The following FANCM variants were observed in gnomAD, a reference collection of about 807,000 sequenced individuals.
FANCM encodes the protein FA complementation group M.
FANCM carries 140 observed loss-of-function variants against 199.5 expected under a neutral mutation model. That is an observed-to-expected ratio of 0.70 (90% CI 0.61 to 0.81). The LOEUF (loss-of-function observed/expected upper bound fraction) is 0.81, where lower values mean the gene tolerates loss of function less well. Ranked by LOEUF, FANCM falls within the 30% of genes least tolerant of loss-of-function variation. FANCM has a pLI of 0.00. For missense variants in FANCM, 2,410 were observed against 2,421.4 expected (o/e 1.00, Z 0.10); for synonymous variants, 840 against 836.8 (o/e 1.00, Z -0.07).
rs778532621 is a variant in FANCM at position 45,189,110 on chromosome 14, G to A, written c.5088G>A (p.Lys1696=). The change falls in exon 20 of 23, where the codon AAG becomes AAA. Residue 1696 remains lysine (K), a synonymous_variant. Coordinates refer to ENST00000267430, the MANE Select transcript of FANCM (RefSeq NM_020937.4). ...TTGCGGTTAACCCAAGCACTGTTAA[G>A]AAGAACAAACAACAGGACCATTGTT... ...SNIAVNPSTV[K]KNKQQDHCLN... 1 of 1,614,162 alleles carries A rather than the reference G, an allele frequency of 6.2e-7. No homozygotes were observed. The highest frequency in any genetic ancestry group is 1.1e-5 in the South Asian group (1 of 91,084).
intron 3 of FANCM, among the ~76,000 whole-genome samples, chr14:45,143,652 T>A (rs1291287133): frequency 6.6e-6 from 1 of 151,984 alleles, no homozygotes; most frequent in Non-Finnish European, 1.5e-5. Flanking sequence ...AATATTCTGA[T>A]TTTAGTAGCT....
intron 14 of FANCM, 64 bp downstream of exon 14, chr14:45,177,040 GT>G: frequency 9.2e-7 from 1 of 1,090,876 alleles, no homozygotes; most frequent in Non-Finnish European, 1.4e-6. Flanking sequence ...AAATACTTTG[GT>G]AATTTTTCCA....
intron 3 of FANCM, among the ~76,000 whole-genome samples, chr14:45,144,305 C>T (rs958303535): frequency 7.1e-6 from 1 of 140,448 alleles, no homozygotes; most frequent in East Asian, 2.2e-4. Context: ...AATGTAGTGT[C>T]CCCTCCACCC....
At chr14:45,150,549 A>T (rs746235685) in intron 4 of FANCM, among the ~76,000 whole-genome samples, 1 of 152,142 alleles carries the variant, frequency 6.6e-6, no homozygotes, top group East Asian at 1.9e-4. Flanking sequence ...TGTGCCATTA[A>T]GCTCATTTCC....
intron 8 of FANCM, among the ~76,000 whole-genome samples, chr14:45,158,191 C>T (rs941337417): frequency 2.6e-5 from 4 of 152,134 alleles, no homozygotes; most frequent in African/African-American, 9.7e-5. Flanking sequence ...AAACATGACC[C>T]TGTCTCAAAA....
rs139535827 is a variant in FANCM at position 45,159,250 on chromosome 14, G to C, written c.1551G>C (p.Thr517=). 8 of 1,613,480 alleles carry C rather than the reference G, an allele frequency of 5.0e-6. No homozygotes were observed. Among genetic ancestry groups the C allele is most frequent in the Admixed American group, 1.7e-5 (1 of 59,992 alleles). The change falls in exon 9 of 23, where the codon ACG becomes ACC. Residue 517 remains threonine (T), a synonymous_variant. Coordinates refer to ENST00000267430, the MANE Select transcript of FANCM (RefSeq NM_020937.4). ...TCGGCCATGCCTCAGGGAAAAGCAC[G>C]AAGGGTTTTACCCAGAAGGAGCAAC... ...TFVGHASGKS[T]KGFTQKEQLE... is the part of the protein sequence containing the mutation.
chr14:45,136,520 C>A lies in FANCM; in HGVS notation c.489C>A (p.Ser163=), dbSNP rs2139104144. ...ACYQVMGIPQ[S]HMAEMTGSTQ... ...ACCAGGTGATGGGTATCCCGCAATC[C>A]CACATGGCCGAAATGACAGGTATCT... Residue 163 remains serine (S), a synonymous_variant, in exon 1 of 23, where the codon TCC becomes TCA. Transcript: ENST00000267430. 1 of 1,613,922 alleles carries A rather than the reference C, an allele frequency of 6.2e-7. No homozygotes were observed. The highest frequency in any genetic ancestry group is 8.5e-7 in the Non-Finnish European group (1 of 1,179,988).
At chr14:45,187,574 C>G (rs1889485695) in intron 18 of FANCM, among the ~76,000 whole-genome samples, 1 of 152,096 alleles carries the variant, frequency 6.6e-6, no homozygotes, top group African/African-American at 2.4e-5. Flanking sequence ...GATCACTCAA[C>G]TAGAAAATCT....
chr14:45,143,230 A>G (rs1566724833), intron 3 of FANCM, among the ~76,000 whole-genome samples: 1 of 149,976 alleles, frequency 6.7e-6, no homozygotes, highest in Non-Finnish European at 1.5e-5. Context: ...AGGGCAGTGC[A>G]CAATAATACT....
chr14:45,175,261 G>A lies in FANCM; in HGVS notation c.2507G>A (p.Cys836Tyr), dbSNP rs1404595530. ...SSSVIESDEE[C>Y]AEIVKQTHIK... ...TCAGTGATAGAATCTGATGAAGAAT[G>A]TGCTGAAATTGTTAAACAAACTCAT... The change falls in exon 14 of 23, where the codon TGT (cysteine) becomes TAT (tyrosine). Residue 836 changes from cysteine (C) to tyrosine (Y), a missense_variant. Transcript: ENST00000267430. The A allele has an allele frequency of 6.2e-7, 1 of 1,604,098 alleles. No homozygotes were observed. The highest frequency in any genetic ancestry group is 1.3e-5 in the African/African-American group (1 of 74,482).
At position 45,176,343 on chromosome 14, in the gene FANCM, G is replaced by A. The variant is rs1298638851; in HGVS notation, c.3589G>A (p.Asp1197Asn). The A allele has an allele frequency of 6.2e-7, 1 of 1,613,696 alleles. No homozygotes were observed. The highest frequency in any genetic ancestry group is 1.1e-5 in the South Asian group (1 of 91,078). ...NSELQDQITR[D>N]ANSFKSRDQR... is the part of the protein sequence containing the mutation. ...TGAACTCCAAGATCAAATCACCCGT[G>A]ATGCTAATAGTTTTAAATCTCGTGA... The change falls in exon 14 of 23, where the codon GAT (aspartate) becomes AAT (asparagine). Residue 1197 changes from aspartate (D) to asparagine (N), a missense_variant. Physicochemically the swap from Asp to Asn is conservative, Grantham distance 23. Transcript: ENST00000267430.
At position 45,159,297 on chromosome 14, in the gene FANCM, T is replaced by C. The variant is rs1276397814; in HGVS notation, c.1581+17T>C. ...CAACTGGAGGTAATTATTTTTGGAA[T>C]TGATAAAAATAAAAATAAGATTGAT... On this transcript the variant is annotated intron_variant, in intron 9 of 22. Transcript: ENST00000267430. The C allele has an allele frequency of 1.1e-5, 17 of 1,587,224 alleles. No homozygotes were observed. Among genetic ancestry groups the C allele is most frequent in the Non-Finnish European group, 1.3e-5 (15 of 1,157,040 alleles).
chr14:45,184,766 T>G lies in FANCM; in HGVS notation c.4516-451T>G, dbSNP rs552862373. Among the ~76,000 whole-genome samples, 4 of 151,644 alleles carry G rather than the reference T, an allele frequency of 2.6e-5. No homozygotes were observed. In the East Asian group the frequency reaches 7.7e-4, roughly 29 times the overall value. On this transcript the variant is annotated intron_variant, in intron 17 of 22. Coordinates refer to ENST00000267430, the MANE Select transcript of FANCM (RefSeq NM_020937.4). ...AGATAGGTAACTTTATCATTTCTTC[T>G]TGGGATTTTCTTTTTTTTTTTTTTA...
chr14:45,173,493 C>A (rs980556525), intron 13 of FANCM, among the ~76,000 whole-genome samples: 1 of 152,086 alleles, frequency 6.6e-6, no homozygotes, highest in Non-Finnish European at 1.5e-5. Flanking sequence ...CTTTTGGATT[C>A]GGATTTATTG....
intron 5 of FANCM, 116 bp from the exon 6 acceptor site, chr14:45,153,804 A>G (rs1886985969): frequency 4.8e-6 from 4 of 832,346 alleles, no homozygotes; most frequent in South Asian, 1.3e-5. Context: ...AATGATGATT[A>G]TGATCATTTG....
At chr14:45,196,967 G>A (rs758397030) in intron 21 of FANCM, among the ~76,000 whole-genome samples, 4 of 152,146 alleles carry the variant, frequency 2.6e-5, no homozygotes, top group Non-Finnish European at 5.9e-5. Flanking sequence ...TTGCAATTAT[G>A]AATATAAGGG....
In FANCM at chr14:45,196,391, G is replaced by A; in HGVS notation, c.5560G>A (p.Asp1854Asn). Residue 1854 changes from aspartate (D) to asparagine (N), a missense_variant, in exon 21 of 23, where the codon GAT (aspartate) becomes AAT (asparagine). Transcript: ENST00000267430. Reference protein sequence around the residue: ...QVEVCPLNGCDYIVSNRMVVE... With the variant: ...QVEVCPLNGCNYIVSNRMVVE... ...AGAAGTTTGTCCTCTTAATGGCTGTGATTACATCGTGAGTAATCGCATGGT... is the reference window on the plus strand; with the variant it reads ...AGAAGTTTGTCCTCTTAATGGCTGTAATTACATCGTGAGTAATCGCATGGT... 1 of 1,614,130 alleles carries A rather than the reference G, an allele frequency of 6.2e-7. No individual in the cohort carries two copies. The highest frequency in any genetic ancestry group is 8.5e-7 in the Non-Finnish European group (1 of 1,180,022).
chr14:45,148,276 T>C (rs1467322476), intron 3 of FANCM, among the ~76,000 whole-genome samples: 2 of 149,794 alleles, frequency 1.3e-5, no homozygotes, highest in Non-Finnish European at 3.0e-5. Context: ...GATCCTCTCT[T>C]TTTTTTTTCT....
At position 45,200,140 on chromosome 14, in the gene FANCM, T is replaced by A; in HGVS notation, c.*132T>A. 3.1e-6 allele frequency: 1 copy of A among 321,328 alleles called. No individual in the cohort carries two copies. The highest frequency in any genetic ancestry group is 2.2e-5 in the African/African-American group (1 of 45,108). 19.9% of individuals were successfully genotyped at this position (321,328 alleles called of 1,614,324 possible). On this transcript the variant is annotated 3_prime_UTR_variant, in exon 23 of 23. Coordinates refer to ENST00000267430, the MANE Select transcript of FANCM (RefSeq NM_020937.4). The stretch of plus-strand genomic sequence containing the variant: ...AAATATTTTATATTGTATACATTTT[T>A]ATTTATAGATTATAGAAATTATTAA...
Sources: gnomAD v4.1 joint callset for allele counts (sites outside exome capture counted in the v4.1 genomes callset) on GRCh38, gnomAD v4.1.1 for gene constraint, MANE v1.5 for transcripts, NCBI Gene and HGNC (gene_info 2026-07-23, HGNC 2026-07-21) for gene names.